The following HNRNPD variants were observed in gnomAD, a reference collection of about 807,000 sequenced individuals.
HNRNPD encodes heterogeneous nuclear ribonucleoprotein D.
In HNRNPD, 3 loss-of-function variants were observed where a neutral mutation model predicts 47.9. The ratio of observed to expected loss-of-function variants is 0.06; its 90% CI spans 0.03 to 0.16. The LOEUF (loss-of-function observed/expected upper bound fraction) is 0.16, where lower values mean the gene tolerates loss of function less well. HNRNPD is among the 10% of genes least tolerant of loss of function. The pLI, the probability that HNRNPD is intolerant of heterozygous loss-of-function variation, is 1.00. For missense variants in HNRNPD, 287 were observed against 454.2 expected (o/e 0.63, Z 3.35); for synonymous variants, 171 against 165.1 (o/e 1.04, Z -0.28).
At position 82,358,844 on chromosome 4, in the gene HNRNPD, TA is replaced by T. The variant is rs750192574; in HGVS notation, c.460-25del. Reference sequence around the variant, plus strand: ...ACCTAAGGAAATTGAAGTTTTCATTTAAAAAATATATATCTTAACTGAAGTT... The same window carrying T: ...ACCTAAGGAAATTGAAGTTTTCATTTAAAAATATATATCTTAACTGAAGTT... On this transcript the variant is annotated intron_variant, in intron 3 of 8. Transcript: ENST00000313899. 3.2e-5 allele frequency: 49 copies of T among 1,512,222 alleles called. 3 individuals are homozygous for T. In the South Asian group the frequency reaches 5.9e-4, roughly 18 times the overall value. The allele number at this position is 1,512,222 out of a possible 1,614,324, so 93.7% of individuals were successfully genotyped here.
intron 4 of HNRNPD, chr4:82,358,136 CG>C (rs1322356188): frequency 6.6e-6 from 1 of 152,382 alleles, no homozygotes; most frequent in Non-Finnish European, 1.5e-5. Context: ...TTAATTGAGA[CG>C]GGGTCCCACT....
At chr4:82,360,655 G>A (rs1329000322) in intron 2 of HNRNPD, among the ~76,000 whole-genome samples, 8 of 152,030 alleles carry the variant, frequency 5.3e-5, no homozygotes, top group Admixed American at 5.2e-4. Flanking sequence ...TTTTTAACTG[G>A]GGAAGGGTCA....
intron 7 of HNRNPD, 47 bp from the exon 8 acceptor site, chr4:82,355,448 T>A: frequency 7.5e-7 from 1 of 1,337,520 alleles, no homozygotes; most frequent in Non-Finnish European, 1.1e-6. Flanking sequence ...GGTTACATAC[T>A]AATAATCAGA....
rs397761541 is a variant in HNRNPD at position 82,355,277 on chromosome 4, C to CA, written c.*30+26dup. The CA allele has an allele frequency of 0.22, 275,321 of 1,231,416 alleles. 26,533 individuals are homozygous for CA. The highest frequency in any genetic ancestry group is 0.46 in the African/African-American group (29,670 of 64,318). 76.3% of individuals were successfully genotyped at this position (1,231,416 alleles called of 1,614,324 possible). A position where few individuals can be genotyped will look rare whatever the true frequency, so the allele number is the denominator to read the frequency against. The stretch of plus-strand genomic sequence containing the variant: ...TTATAAAAACTACTATTGTAAATGA[C>CA]AAAAAAAAACTATTTTTAGAACATA... On this transcript the variant is annotated intron_variant, in intron 8 of 8. Transcript: ENST00000313899.
At chr4:82,364,945 C>A (rs1159874553) in intron 2 of HNRNPD, among the ~76,000 whole-genome samples, 1 of 152,152 alleles carries the variant, frequency 6.6e-6, no homozygotes, top group Non-Finnish European at 1.5e-5. Context: ...TTCCAAGATA[C>A]CTCCCCTAAT....
chr4:82,359,672 A>T (rs371996656), intron 2 of HNRNPD, 33 bp from the exon 3 acceptor site: 97 of 1,442,184 alleles, frequency 6.7e-5, no homozygotes, highest in Middle Eastern at 3.7e-4. Context: ...TAAAATGCTT[A>T]AAAAAAATTG....
rs1472333595 is a variant in HNRNPD, at chr4:82,352,950, CCTTT to C, written c.*1231_*1234del. 6.6e-6 allele frequency: 1 copy of C among 152,280 alleles called. No individual in the cohort carries two copies. Among genetic ancestry groups the C allele is most frequent in the African/African-American group, 2.4e-5 (1 of 41,568 alleles). 9.4% of individuals were successfully genotyped at this position (152,280 alleles called of 1,614,324 possible). ...ATAATAATACATTTCTCATTTGTTA[CCTTT>C]CTAATGAACTATTCTGAGCAGTCTG... On this transcript the variant is annotated 3_prime_UTR_variant, in exon 9 of 9. Coordinates refer to ENST00000313899, the MANE Select transcript of HNRNPD (RefSeq NM_031370.3).
At position 82,353,494 on chromosome 4, in the gene HNRNPD, G is replaced by T. The variant is rs1283659154; in HGVS notation, c.*691C>A. ...ATAAAACATTAACTATCTGTGCAAA[G>T]GGGTACTTTTGCACATTTATCCAGA... On this transcript the variant is annotated 3_prime_UTR_variant, in exon 9 of 9. Transcript: ENST00000313899. The T allele has an allele frequency of 6.6e-6, 1 of 152,466 alleles. No individual in the cohort carries two copies. The highest frequency in any genetic ancestry group is 2.4e-5 in the African/African-American group (1 of 41,378). 9.4% of individuals were successfully genotyped at this position (152,466 alleles called of 1,614,324 possible).
At chr4:82,359,685 T>G in intron 2 of HNRNPD, 46 bp from the exon 3 acceptor site, 1 of 1,339,142 alleles carries the variant, frequency 7.5e-7, no homozygotes, top group Non-Finnish European at 1.0e-6. Flanking sequence ...AAAAATTGCC[T>G]TAAATATTAT....
chr4:82,352,550 A>G lies in HNRNPD; in HGVS notation c.*1635T>C, dbSNP rs563959557. ...GATTTACATAAAATAAGCATATGAT[A>G]CCAAAAAGAACCCTAGCTTAACAAC... On this transcript the variant is annotated 3_prime_UTR_variant, in exon 9 of 9. Coordinates refer to ENST00000313899, the MANE Select transcript of HNRNPD (RefSeq NM_031370.3). 1.3e-5 allele frequency: 2 copies of G among 152,290 alleles called. No homozygotes were observed. The highest frequency in any genetic ancestry group is 2.9e-5 in the Non-Finnish European group (2 of 68,034). 9.4% of individuals were successfully genotyped at this position (152,290 alleles called of 1,614,324 possible).
intron 7 of HNRNPD, chr4:82,356,041 G>C (rs1286406982): frequency 6.5e-6 from 1 of 153,476 alleles, no homozygotes; most frequent in Non-Finnish European, 1.4e-5. Flanking sequence ...AACTACCTTA[G>C]TTGCACAATG....
chr4:82,368,107 C>T (rs1719854680), intron 2 of HNRNPD, among the ~76,000 whole-genome samples: 1 of 152,198 alleles, frequency 6.6e-6, no homozygotes, highest in African/African-American at 2.4e-5. Context: ...TGTAAATGTG[C>T]ACACACTTGA....
rs1233769069 is a variant in HNRNPD at position 82,373,607 on chromosome 4, G to A, written c.72C>T (p.Gly24=). 1.2e-5 allele frequency: 18 copies of A among 1,526,778 alleles called. No individual in the cohort carries two copies. Among genetic ancestry groups the A allele is most frequent in the East Asian group, 2.5e-5 (1 of 39,486 alleles). 94.6% of individuals were successfully genotyped at this position (1,526,778 alleles called of 1,614,324 possible). ...CCGCCACCATGGCTCCCTCCTGCTC[G>A]CCCGCCGAGCCGCCTACCGCCGCCG... The part of the protein sequence containing the change: ...AATAAVGGSA[G]EQEGAMVAAT... The change falls in exon 1 of 9, where the codon GGC becomes GGT. Residue 24 remains glycine (G), a synonymous_variant. Transcript: ENST00000313899.
chr4:82,363,469 T>C (rs1288498366), intron 2 of HNRNPD, among the ~76,000 whole-genome samples: 1 of 152,210 alleles, frequency 6.6e-6, no homozygotes, highest in East Asian at 1.9e-4. Context: ...GCATTTCATA[T>C]TGCTGTCACT....
At chr4:82,367,393 T>C (rs996512260) in intron 2 of HNRNPD, among the ~76,000 whole-genome samples, 1 of 152,184 alleles carries the variant, frequency 6.6e-6, no homozygotes, top group Non-Finnish European at 1.5e-5. Flanking sequence ...TGGAAATCAA[T>C]TTAGGTATCA....
intron 1 of HNRNPD, among the ~76,000 whole-genome samples, chr4:82,371,918 C>T (rs536456733): frequency 6.6e-6 from 1 of 152,186 alleles, no homozygotes; most frequent in South Asian, 2.1e-4. Flanking sequence ...TAAAAGTTTG[C>T]TTCCCTTCCC....
Position 82,373,699 on chromosome 4 carries a change from T to C in HNRNPD, c.-21A>G. The C allele has an allele frequency of 2.7e-6, 4 of 1,492,234 alleles. No individual in the cohort carries two copies. The highest frequency in any genetic ancestry group is 3.5e-6 in the Non-Finnish European group (4 of 1,127,572). The allele number at this position is 1,492,234 out of a possible 1,614,324, so 92.4% of individuals were successfully genotyped here. A position where few individuals can be genotyped will look rare whatever the true frequency, so the allele number is the denominator to read the frequency against. On this transcript the variant is annotated 5_prime_UTR_variant, in exon 1 of 9. Coordinates refer to ENST00000313899, the MANE Select transcript of HNRNPD (RefSeq NM_031370.3). ...GACATAGTGCTAGTGTCTCCGCCGCTGCCGCCGAGACTACACCCGCCGCTG... is the reference window on the plus strand; with the variant it reads ...GACATAGTGCTAGTGTCTCCGCCGCCGCCGCCGAGACTACACCCGCCGCTG...
At chr4:82,363,420 A>G (rs1719589926) in intron 2 of HNRNPD, among the ~76,000 whole-genome samples, 1 of 152,192 alleles carries the variant, frequency 6.6e-6, no homozygotes, top group Non-Finnish European at 1.5e-5. Context: ...AAGCACATGT[A>G]CTGTCTGTCC....
At chr4:82,372,040 C>G (rs929069200) in intron 1 of HNRNPD, among the ~76,000 whole-genome samples, 1 of 152,088 alleles carries the variant, frequency 6.6e-6, no homozygotes, top group Non-Finnish European at 1.5e-5. Context: ...CCAACTTTCC[C>G]TCCAAATCCT....
Sources: allele counts gnomAD v4.1 joint callset (sites outside exome capture counted in the v4.1 genomes callset), GRCh38; gene constraint gnomAD v4.1.1; transcripts MANE v1.5; gene names NCBI Gene and HGNC (gene_info 2026-07-23, HGNC 2026-07-21).